The following NTRK2 variants were observed in gnomAD, a reference collection of about 807,000 sequenced individuals.
The protein encoded by NTRK2 is BDNF/NT-3 growth factors receptor.
NTRK2 carries 13 observed loss-of-function variants against 94.5 expected under a neutral mutation model. That is an observed-to-expected ratio of 0.14 (90% CI 0.09 to 0.22). The LOEUF (loss-of-function observed/expected upper bound fraction) is 0.22, where lower values mean the gene tolerates loss of function less well. NTRK2 is among the 10% of genes least tolerant of loss of function. NTRK2 has a pLI of 1.00. For synonymous variants in NTRK2, 372 were observed against 407.4 expected, an observed-to-expected ratio of 0.91 and a Z score of 1.05; for missense variants, 639 against 1,071.2, an observed-to-expected ratio of 0.60 and a Z score of 5.63.
At chr9:84,940,791 C>T (rs1021846732) in intron 15 of NTRK2, among the ~76,000 whole-genome samples, 1 of 151,332 alleles carries the variant, frequency 6.6e-6, no homozygotes, top group Non-Finnish European at 1.5e-5. Flanking sequence ...CTCAAGTGCT[C>T]TACCCAGGTA....
rs540688083 is a variant in NTRK2, at chr9:84,722,398, T to C, written c.584-1175T>C. ...TGGCTTTGCCGGTAAGAATACATGA[T>C]AAGAGAAAGGTTTATCCATAATAAT... On this transcript the variant is annotated intron_variant, in intron 6 of 18. Coordinates refer to ENST00000277120, the MANE Select transcript of NTRK2 (RefSeq NM_006180.6). 9.2e-5 allele frequency among the ~76,000 whole-genome samples: 14 copies of C among 152,212 alleles called. No individual in the cohort carries two copies. The South Asian group carries it at 2.9e-3, about 32-fold the overall frequency.
At chr9:84,977,562 T>G (rs1827047566) in intron 17 of NTRK2, among the ~76,000 whole-genome samples, 1 of 152,198 alleles carries the variant, frequency 6.6e-6, no homozygotes, top group Non-Finnish European at 1.5e-5. Context: ...GGAAGAACCT[T>G]GAGTGTTGGT....
At chr9:84,851,958 A>G (rs760996805) in intron 12 of NTRK2, among the ~76,000 whole-genome samples, 12 of 152,252 alleles carry the variant, frequency 7.9e-5, no homozygotes, top group Non-Finnish European at 1.5e-4. Context: ...CAGAAATTGC[A>G]AAGGCGTTTC....
chr9:84,867,580 G>A, intron 14 of NTRK2, 149 bp downstream of exon 14: 2 of 755,788 alleles, frequency 2.6e-6, no homozygotes, highest in Non-Finnish European at 4.7e-6. Context: ...CCCAGGAATA[G>A]ATCCTTTAGT....
chr9:84,702,661 G>A (rs1200163002), intron 4 of NTRK2, among the ~76,000 whole-genome samples: 1 of 152,178 alleles, frequency 6.6e-6, no homozygotes, highest in Non-Finnish European at 1.5e-5. Context: ...CTTGGACAGA[G>A]CAATAGGCTA....
At chr9:84,811,671 G>A in intron 12 of NTRK2, 2 of 1,065,588 alleles carry the variant, frequency 1.9e-6, no homozygotes, top group Non-Finnish European at 2.3e-6. Flanking sequence ...TCATGGGTAG[G>A]AAAGCTTGTC....
At chr9:84,727,025 A>C (rs2062512634) in intron 8 of NTRK2, among the ~76,000 whole-genome samples, 1 of 152,194 alleles carries the variant, frequency 6.6e-6, no homozygotes. Context: ...GATCCTAGCA[A>C]AAATGGACAA....
chr9:84,733,236 C>T (rs1395385632), intron 9 of NTRK2, among the ~76,000 whole-genome samples: 1 of 152,208 alleles, frequency 6.6e-6, no homozygotes, highest in East Asian at 1.9e-4. Context: ...ATAAATCCTT[C>T]CTTGTTCTCT....
rs370127045 is a variant in NTRK2, at chr9:84,903,694, T to TTTCC, written c.1634-30448_1634-30445dup. Reference sequence around the variant, plus strand: ...TTCTCATTTCTTCCTTCTTTTCTTTTTTCCTTCCTTCCTTCCTTCCTTCTT... The same window carrying TTTCC: ...TTCTCATTTCTTCCTTCTTTTCTTTTTTCCTTCCTTCCTTCCTTCCTTCCTTCTT... On this transcript the variant is annotated intron_variant, in intron 14 of 18. Transcript: ENST00000277120. 3.8e-4 allele frequency among the ~76,000 whole-genome samples: 58 copies of TTTCC among 152,052 alleles called. No homozygotes were observed. The East Asian group carries it at 6.8e-3, about 18-fold the overall frequency.
intron 12 of NTRK2, chr9:84,815,324 G>T: frequency 9.5e-7 from 1 of 1,048,054 alleles, no homozygotes; most frequent in Non-Finnish European, 1.2e-6. Flanking sequence ...GGGAAAAAAA[G>T]TGTGAAAAGC....
At chr9:84,846,747 T>C (rs937515598) in intron 12 of NTRK2, among the ~76,000 whole-genome samples, 17 of 152,218 alleles carry the variant, frequency 1.1e-4, no homozygotes, top group Non-Finnish European at 5.9e-5. Context: ...AATAAATTAA[T>C]CATGCAACCA....
At chr9:84,969,914 G>A (rs912812450) in intron 17 of NTRK2, among the ~76,000 whole-genome samples, 2 of 152,146 alleles carry the variant, frequency 1.3e-5, no homozygotes, top group Admixed American at 1.3e-4. Context: ...ATACAATAAA[G>A]TTCTGCTGGC....
Position 85,021,343 on chromosome 9 carries a change from G to C in NTRK2, c.2423G>C (p.Arg808Pro), listed in dbSNP as rs2118010686. The C allele has an allele frequency of 6.2e-7, 1 of 1,614,168 alleles. No homozygotes were observed. Among genetic ancestry groups the C allele is most frequent in the Non-Finnish European group, 8.5e-7 (1 of 1,180,014 alleles). ...GAGCTGATGCTGGGGTGCTGGCAGC[G>C]AGAGCCCCACATGAGGAAGAACATC... Reference protein sequence around the residue: ...VYELMLGCWQREPHMRKNIKG... With the variant: ...VYELMLGCWQPEPHMRKNIKG... The change falls in exon 19 of 19, where the codon CGA becomes CCA. Residue 808 changes from arginine to proline, a missense_variant. This residue lies in a region of NTRK2 where 77 missense variants were observed against 203.6 expected (regional missense o/e 0.38). Coordinates refer to ENST00000277120, the MANE Select transcript of NTRK2 (RefSeq NM_006180.6).
chr9:84,717,000 A>T (rs1010194830), intron 6 of NTRK2, among the ~76,000 whole-genome samples: 7 of 152,180 alleles, frequency 4.6e-5, no homozygotes, highest in Admixed American at 2.6e-4. Flanking sequence ...GAGGCAAAGA[A>T]CTTGGAAGAT....
chr9:84,911,245 T>C (rs1475611839), intron 14 of NTRK2, among the ~76,000 whole-genome samples: 2 of 152,160 alleles, frequency 1.3e-5, no homozygotes, highest in African/African-American at 2.4e-5. Flanking sequence ...TGAAGATGTT[T>C]GTAGTATTTT....
intron 9 of NTRK2, among the ~76,000 whole-genome samples, chr9:84,741,094 T>C (rs2063614004): frequency 6.6e-6 from 1 of 152,218 alleles, no homozygotes; most frequent in African/African-American, 2.4e-5. Context: ...TTAGCTCTGA[T>C]TGGAGAATAA....
intron 17 of NTRK2, among the ~76,000 whole-genome samples, chr9:84,998,726 C>G (rs1830034240): frequency 6.6e-6 from 1 of 152,146 alleles, no homozygotes; most frequent in South Asian, 2.1e-4. Context: ...GAGAAACTCG[C>G]CCACCCACCT....
intron 14 of NTRK2, among the ~76,000 whole-genome samples, chr9:84,902,576 G>T (rs2076962518): frequency 6.6e-6 from 1 of 152,134 alleles, no homozygotes; most frequent in Admixed American, 6.5e-5. Context: ...ACATAAACAT[G>T]TAAATAAATC....
At chr9:84,917,485 T>C (rs567012607) in intron 14 of NTRK2, among the ~76,000 whole-genome samples, 26 of 152,292 alleles carry the variant, frequency 1.7e-4, no homozygotes, top group East Asian at 9.7e-4. Flanking sequence ...GTAAGGGAGA[T>C]GCTTTGAGGT....
Sources: gnomAD v4.1 joint callset for allele counts (sites outside exome capture counted in the v4.1 genomes callset) on GRCh38, gnomAD v4.1.1 for gene constraint, gnomAD v4.1.1 regional missense constraint, MANE v1.5 for transcripts, NCBI Gene and HGNC (gene_info 2026-07-23, HGNC 2026-07-21) for gene names.